The following ABCC11 variants were observed in gnomAD, a reference collection of about 807,000 sequenced individuals.
The protein encoded by ABCC11 is ATP binding cassette subfamily C member 11.
A neutral mutation model predicts 149.3 loss-of-function variants in ABCC11; 135 were observed. That is an observed-to-expected ratio of 0.90 (90% CI 0.79 to 1.04). The LOEUF (loss-of-function observed/expected upper bound fraction) is 1.04. Among genes scored for constraint, ABCC11 ranks in the 50% least tolerant of loss-of-function variants. The pLI is 0.00. For synonymous variants in ABCC11, 665 were observed against 671.4 expected (o/e 0.99, Z 0.15); for missense variants, 1,680 against 1,722.1 (o/e 0.98, Z 0.43).
intron 6 of ABCC11, among the ~76,000 whole-genome samples, chr16:48,217,715 T>C (rs1969444426): frequency 6.6e-6 from 1 of 152,232 alleles, no homozygotes; most frequent in African/African-American, 2.4e-5. Context: ...TGCTTTTAAC[T>C]TTCACCTAAA....
chr16:48,178,771 C>G (rs1266812130), intron 23 of ABCC11, 85 bp from the exon 24 acceptor site: 1 of 1,210,646 alleles, frequency 8.3e-7, no homozygotes, highest in Non-Finnish European at 1.2e-6. Context: ...CACTGATTGC[C>G]ATTGCCCCTG....
intron 22 of ABCC11, among the ~76,000 whole-genome samples, chr16:48,186,252 G>T (rs780340013): frequency 6.6e-6 from 1 of 152,144 alleles, no homozygotes; most frequent in African/African-American, 2.4e-5. Context: ...CAGCTCAGAT[G>T]CCACCTCCTC....
chr16:48,193,567 G>A (rs1195479107), intron 19 of ABCC11, among the ~76,000 whole-genome samples: 2 of 152,194 alleles, frequency 1.3e-5, no homozygotes, highest in Non-Finnish European at 2.9e-5. Context: ...ATAGTATGGA[G>A]GCCAGCCTGG....
intron 22 of ABCC11, among the ~76,000 whole-genome samples, chr16:48,185,125 G>C (rs1056361096): frequency 1.3e-5 from 2 of 152,166 alleles, no homozygotes; most frequent in African/African-American, 4.8e-5. Context: ...AACATTAGCT[G>C]AGTCTCTGGA....
rs941050573 is a variant in ABCC11, at chr16:48,175,245, G to A, written c.3698+13C>T. The A allele has an allele frequency of 8.8e-6, 14 of 1,597,356 alleles. No homozygotes were observed. In the African/African-American group the frequency reaches 1.6e-4, roughly 18 times the overall value. On this transcript the variant is annotated intron_variant, in intron 26 of 29. Transcript: ENST00000356608. ...CCCACCTCCTGCAGGCTGCCTGCTG[G>A]CCCGGCACTCACCTGATGGTTCCTG...
chr16:48,244,909 C>T (rs1567301890), intron 1 of ABCC11, among the ~76,000 whole-genome samples: 1 of 152,214 alleles, frequency 6.6e-6, no homozygotes, highest in Non-Finnish European at 1.5e-5. Flanking sequence ...CGCAATTCCT[C>T]GCCCTCGGTC....
chr16:48,229,453 CTTTT>C (rs940739382), intron 3 of ABCC11, among the ~76,000 whole-genome samples: 1 of 119,072 alleles, frequency 8.4e-6, no homozygotes, highest in South Asian at 2.6e-4. Flanking sequence ...AGGCTGGTAA[CTTTT>C]TTTTTTTTTT....
chr16:48,179,283 T>A (rs1160529293), intron 23 of ABCC11, among the ~76,000 whole-genome samples: 2 of 152,172 alleles, frequency 1.3e-5, no homozygotes, highest in Non-Finnish European at 2.9e-5. Context: ...TGCACCCAAG[T>A]TCCTTTCTCA....
chr16:48,186,908 AC>A (rs1477964605), intron 22 of ABCC11, 44 bp downstream of exon 22: 8 of 1,608,290 alleles, frequency 5.0e-6, no homozygotes, highest in Non-Finnish European at 6.8e-6. Context: ...GCTCCCCACC[AC>A]CCCTGTGGTT....
intron 1 of ABCC11, among the ~76,000 whole-genome samples, chr16:48,234,875 A>G (rs1374096863): frequency 1.3e-5 from 2 of 152,208 alleles, no homozygotes; most frequent in Non-Finnish European, 2.9e-5. Flanking sequence ...GCAAGTAGAC[A>G]AAAGACCTCC....
At chr16:48,185,515 T>TA (rs1333259745) in intron 22 of ABCC11, among the ~76,000 whole-genome samples, 3 of 152,228 alleles carry the variant, frequency 2.0e-5, no homozygotes, top group Non-Finnish European at 4.4e-5. Flanking sequence ...GAATGTATAT[T>TA]AAAAGAAACT....
chr16:48,207,683 G>A (rs1229815729), intron 12 of ABCC11, among the ~76,000 whole-genome samples: 1 of 151,486 alleles, frequency 6.6e-6, no homozygotes, highest in Admixed American at 6.6e-5. Flanking sequence ...AGGAAGGGAA[G>A]GGAAGGGAAG....
At chr16:48,209,456 G>C (rs1428285986) in intron 11 of ABCC11, 1 of 152,242 alleles carries the variant, frequency 6.6e-6, no homozygotes, top group African/African-American at 2.4e-5. Context: ...TTCTCATAAG[G>C]AGTGTGCAAC....
chr16:48,167,686 G>A, intron 28 of ABCC11, 26 bp from the exon 29 acceptor site: 4 of 1,613,070 alleles, frequency 2.5e-6, no homozygotes, highest in Non-Finnish European at 3.4e-6. Context: ...CAGGGGTGAA[G>A]GTGTCTACTT....
chr16:48,224,192 C>A (rs1969924669), intron 5 of ABCC11, 90 bp downstream of exon 5: 27 of 1,463,148 alleles, frequency 1.8e-5, no homozygotes, highest in Non-Finnish European at 2.2e-5. Flanking sequence ...GCATCTCTAA[C>A]TCCTGGCATG....
rs531096605 is a variant in ABCC11, at chr16:48,166,207, T to C, written c.*1067A>G. Among the ~76,000 whole-genome samples the C allele has an allele frequency of 1.1e-4, 16 of 152,284 alleles. No individual in the cohort carries two copies. The South Asian group carries it at 3.3e-3, about 32-fold the overall frequency. Reference sequence around the variant, plus strand: ...GGCTCAGGCCTGGCAAATCACAGTATGCCAACAGCCTAGCACATGATTGAT... The same window carrying C: ...GGCTCAGGCCTGGCAAATCACAGTACGCCAACAGCCTAGCACATGATTGAT... On this transcript the variant is annotated 3_prime_UTR_variant, in exon 30 of 30. Coordinates refer to ENST00000356608, the MANE Select transcript of ABCC11 (RefSeq NM_001370497.1).
downstream of ABCC11, among the ~76,000 whole-genome samples, chr16:48,165,356 C>T (rs1354747295): frequency 6.6e-6 from 1 of 152,190 alleles, no homozygotes; most frequent in East Asian, 1.9e-4. Context: ...GAAGCAGGTG[C>T]CACTAGAGAG....
intron 12 of ABCC11, among the ~76,000 whole-genome samples, chr16:48,207,874 C>T (rs1403139198): frequency 6.6e-6 from 1 of 151,984 alleles, no homozygotes; most frequent in African/African-American, 2.4e-5. Flanking sequence ...TGCCAGAGTA[C>T]GAGTAAGACT....
intron 26 of ABCC11, among the ~76,000 whole-genome samples, chr16:48,173,341 T>C (rs901730930): frequency 6.6e-6 from 1 of 152,188 alleles, no homozygotes; most frequent in Non-Finnish European, 1.5e-5. Flanking sequence ...CGCCATTTCT[T>C]TGTGTGTCTT....
Sources: gnomAD v4.1 joint callset for allele counts (sites outside exome capture counted in the v4.1 genomes callset) on GRCh38, gnomAD v4.1.1 for gene constraint, MANE v1.5 for transcripts, NCBI Gene and HGNC (gene_info 2026-07-23, HGNC 2026-07-21) for gene names.